The following NFATC2 variants were observed in gnomAD, a reference collection of about 807,000 sequenced individuals.
NFATC2 encodes nuclear factor of activated T-cells, cytoplasmic 2.
NFATC2 carries 22 observed loss-of-function variants against 87.3 expected under a neutral mutation model. The observed-to-expected ratio is 0.25, with a 90% confidence interval of 0.18 to 0.36. The LOEUF (loss-of-function observed/expected upper bound fraction) is 0.36. NFATC2 is among the 10% of genes least tolerant of loss of function. NFATC2 has a pLI of 1.00. For synonymous variants in NFATC2, 565 were observed against 542.2 expected (o/e 1.04, Z -0.58); for missense variants, 1,149 against 1,259.1 (o/e 0.91, Z 1.32).
chr20:51,511,459 G>C (rs1469308567), intron 3 of NFATC2, among the ~76,000 whole-genome samples: 1 of 152,198 alleles, frequency 6.6e-6, no homozygotes, highest in Non-Finnish European at 1.5e-5. Flanking sequence ...CTTTGCTTCT[G>C]AGCTCCAAGC....
At chr20:51,405,135 C>G (rs1988432614) in intron 9 of NFATC2, among the ~76,000 whole-genome samples, 1 of 152,122 alleles carries the variant, frequency 6.6e-6, no homozygotes, top group Admixed American at 6.6e-5. Flanking sequence ...GAGTTGAGCT[C>G]CTGGAAGAGA....
rs183000203 is a variant in NFATC2 at position 51,426,888 on chromosome 20, T to C, written c.2722+5179A>G. On this transcript the variant is annotated intron_variant, in intron 9 of 10. Transcript: ENST00000371564. ...ACAGAATGCACTACTGATTTCTGAATGTGCACATAATTAAGCACTTTACAT... is the reference window on the plus strand; with the variant it reads ...ACAGAATGCACTACTGATTTCTGAACGTGCACATAATTAAGCACTTTACAT... Among the ~76,000 whole-genome samples the C allele has an allele frequency of 2.9e-4, 44 of 152,202 alleles. 1 individual carries two copies. Among genetic ancestry groups the C allele is most frequent in the Admixed American group, 2.8e-3 (43 of 15,290 alleles).
At chr20:51,404,923 G>A (rs922246097) in intron 9 of NFATC2, among the ~76,000 whole-genome samples, 2 of 152,332 alleles carry the variant, frequency 1.3e-5, no homozygotes, top group South Asian at 2.1e-4. Context: ...GCCATTTTAT[G>A]AGCAAGACCT....
chr20:51,448,373 G>A (rs942096681), intron 6 of NFATC2, among the ~76,000 whole-genome samples: 5 of 152,182 alleles, frequency 3.3e-5, no homozygotes, highest in African/African-American at 1.2e-4. Context: ...CGGACGCAGT[G>A]GCTCGCGCCT....
At chr20:51,514,090 T>C (rs1000726638) in intron 3 of NFATC2, among the ~76,000 whole-genome samples, 1 of 152,258 alleles carries the variant, frequency 6.6e-6, no homozygotes, top group African/African-American at 2.4e-5. Flanking sequence ...ATGCAGCACT[T>C]GGAACAGGAT....
chr20:51,562,762 G>T, upstream of NFATC2: 1 of 788,732 alleles, frequency 1.3e-6, no homozygotes, highest in South Asian at 2.0e-5. This position sits in a 1 kb window ranked among gnomAD's most constrained non-coding sequence, Gnocchi z 5.8. Context: ...GGAGCGACCC[G>T]GGAGCTGCGC....
intron 1 of NFATC2, among the ~76,000 whole-genome samples, chr20:51,549,471 T>C (rs938311973): frequency 2.0e-5 from 3 of 152,204 alleles, no homozygotes; most frequent in Non-Finnish European, 4.4e-5. Flanking sequence ...CTGGTACATA[T>C]GAACCCCTTC....
At chr20:51,435,438 G>T in intron 7 of NFATC2, 124 bp from the exon 8 acceptor site, 1 of 1,384,042 alleles carries the variant, frequency 7.2e-7, no homozygotes, top group Non-Finnish European at 9.9e-7. Context: ...TCGGTTTACA[G>T]GGGAAGTTCA....
chr20:51,462,909 C>A (rs1285460759), intron 5 of NFATC2, among the ~76,000 whole-genome samples: 1 of 152,214 alleles, frequency 6.6e-6, no homozygotes, highest in Admixed American at 6.5e-5. Flanking sequence ...ATTCCGCTAC[C>A]CCATGGGACC....
chr20:51,556,177 G>A (rs961044993), intron 1 of NFATC2, among the ~76,000 whole-genome samples: 1 of 152,204 alleles, frequency 6.6e-6, no homozygotes, highest in Non-Finnish European at 1.5e-5. Context: ...GAGAGACAAA[G>A]AAGGGTTTCC....
At position 51,432,221 on chromosome 20, in the gene NFATC2, G is replaced by A. The variant is rs1292607085; in HGVS notation, c.2568C>T (p.Ser856=). The change falls in exon 9 of 11, where the codon AGC becomes AGT. Residue 856 remains serine, a synonymous_variant. Coordinates refer to ENST00000371564, the MANE Select transcript of NFATC2 (RefSeq NM_012340.5). This position sits in a 1 kb window ranked among gnomAD's most constrained non-coding sequence, Gnocchi z 4.6. The stretch of plus-strand genomic sequence containing the variant: ...GAATGACTGTGGGGTAGGAACCCGG[G>A]CTCAGCCTCTGACCTTGACTGACCG... ...PPPVSQGQRL[S]PGSYPTVIQQ... The A allele has an allele frequency of 2.5e-6, 4 of 1,613,896 alleles. No homozygotes were observed. The Admixed American group carries it at 5.0e-5, about 20-fold the overall frequency.
intron 5 of NFATC2, among the ~76,000 whole-genome samples, chr20:51,456,615 G>A (rs1986563132): frequency 6.6e-6 from 1 of 152,198 alleles, no homozygotes. Flanking sequence ...TTCCAGCGTG[G>A]GCCAAGAGGC....
At chr20:51,545,286 A>C (rs1601005323), upstream of NFATC2, among the ~76,000 whole-genome samples, 1 of 152,366 alleles carries the variant, frequency 6.6e-6, no homozygotes, top group East Asian at 1.9e-4. Flanking sequence ...CCTACCCAGA[A>C]TAATTCCTCC....
chr20:51,421,086 A>T (rs925069720), intron 9 of NFATC2, among the ~76,000 whole-genome samples: 4 of 151,680 alleles, frequency 2.6e-5, no homozygotes, highest in Non-Finnish European at 5.9e-5. Flanking sequence ...AAAAAAAAAA[A>T]AACAAAAAAA....
chr20:51,416,663 G>A (rs1411316633), intron 9 of NFATC2, among the ~76,000 whole-genome samples: 1 of 152,182 alleles, frequency 6.6e-6, no homozygotes, highest in African/African-American at 2.4e-5. Context: ...GCTGATAGCT[G>A]CTCTCTATGG....
intron 2 of NFATC2, among the ~76,000 whole-genome samples, chr20:51,517,612 A>AAAAAAACCAAAAAACAAC (rs2076373843): frequency 6.6e-6 from 1 of 151,704 alleles, no homozygotes; most frequent in Non-Finnish European, 1.5e-5. Context: ...AAAGAAACAA[A>AAAAAAACCAAAAAACAAC]ACAAAACCAA....
chr20:51,501,914 TA>T (rs768587772), intron 3 of NFATC2, among the ~76,000 whole-genome samples: 38 of 152,182 alleles, frequency 2.5e-4, no homozygotes, highest in Non-Finnish European at 4.3e-4. Flanking sequence ...GCTGCAGTGG[TA>T]CAAAAGCAAC....
chr20:51,522,959 A>G (rs1414765323), intron 2 of NFATC2, 122 bp downstream of exon 2: 6 of 1,383,650 alleles, frequency 4.3e-6, no homozygotes, highest in Non-Finnish European at 5.9e-6. Flanking sequence ...CAAGGGGCCA[A>G]GCCAAGATTT....
chr20:51,435,074 A>G, intron 8 of NFATC2, 114 bp downstream of exon 8: 2 of 1,309,262 alleles, frequency 1.5e-6, no homozygotes, highest in African/African-American at 3.0e-5. Context: ...TGAGGCTCAG[A>G]GAGGTTGAGT....
Sources: gnomAD v4.1 joint callset for allele counts (sites outside exome capture counted in the v4.1 genomes callset) on GRCh38, gnomAD v4.1.1 for gene constraint, Gnocchi (gnomAD v3.1) non-coding constraint, MANE v1.5 for transcripts, NCBI Gene and HGNC (gene_info 2026-07-23, HGNC 2026-07-21) for gene names.